Variants in OPTN observed in about 807,000 individuals in gnomAD.
OPTN encodes E3-14.7K-interacting protein.
OPTN carries 54 observed loss-of-function variants against 70.4 expected under a neutral mutation model. The observed-to-expected ratio is 0.77, with a 90% CI of 0.62 to 0.96. OPTN has a LOEUF of 0.96. Among genes scored for constraint, OPTN ranks in the 40% least tolerant of loss-of-function variants. OPTN has a pLI of 0.00. For synonymous variants in OPTN, 256 were observed against 248.5 expected (o/e 1.03, Z -0.28); for missense variants, 624 against 673.2 (o/e 0.93, Z 0.81).
chr10:13,106,968 G>A (rs1805698684), intron 1 of OPTN, among the ~76,000 whole-genome samples: 1 of 152,096 alleles, frequency 6.6e-6, no homozygotes, highest in African/African-American at 2.4e-5. Context: ...TGGGATGCTC[G>A]CTTCCAAGTT....
At chr10:13,120,383 A>G (rs67978856) in intron 7 of OPTN, among the ~76,000 whole-genome samples, 36,123 of 151,794 alleles carry the variant, frequency 0.24, 4,781 homozygotes, top group Middle Eastern at 0.44. Context: ...AATACAGTTT[A>G]TCTCCTTTTT....
Position 13,136,649 on chromosome 10 carries a change from T to C in OPTN, c.1613-96T>C, listed in dbSNP as rs899428652. The C allele has an allele frequency of 1.2e-5, 17 of 1,475,518 alleles. 1 individual carries two copies. Among genetic ancestry groups the C allele is most frequent in the Non-Finnish European group, 1.6e-5 (17 of 1,068,668 alleles). 91.4% of individuals were successfully genotyped at this position (1,475,518 alleles called of 1,614,324 possible). A position where few individuals can be genotyped will look rare whatever the true frequency, so the allele number is the denominator to read the frequency against. ...GTCCCACTACGTGTTGAATACGAAGTTGAACTGATGTTAAAACTCGCCATC... is the reference window on the plus strand; with the variant it reads ...GTCCCACTACGTGTTGAATACGAAGCTGAACTGATGTTAAAACTCGCCATC... On this transcript the variant is annotated intron_variant, in intron 14 of 14. Coordinates refer to ENST00000378747, the MANE Select transcript of OPTN (RefSeq NM_001008212.2).
chr10:13,115,253 T>TATATAAATATAGA (rs1833148633), intron 5 of OPTN, among the ~76,000 whole-genome samples: 1 of 10,622 alleles, frequency 9.4e-5, no homozygotes, highest in African/African-American at 2.4e-4. Flanking sequence ...ATATCTATAT[T>TATATAAATATAGA]TATATCTATA....
rs929055907 is a variant in OPTN at position 13,109,606 on chromosome 10, G to A, written c.166+318G>A. 8 of 329,826 alleles carry A rather than the reference G, an allele frequency of 2.4e-5. No homozygotes were observed. In the Admixed American group the frequency reaches 3.6e-4, roughly 15 times the overall value. 20.4% of individuals were successfully genotyped at this position (329,826 alleles called of 1,614,324 possible). On this transcript the variant is annotated intron_variant, in intron 3 of 14. Transcript: ENST00000378747. ...TTTGGGAGGCCGAGGCAGAAGGATT[G>A]CTTGAGTACAGGAGTTCAAGACCAG... is the stretch of plus-strand genomic sequence containing the variant.
chr10:13,115,682 T>A (rs1263137539), intron 5 of OPTN, among the ~76,000 whole-genome samples: 2 of 146,938 alleles, frequency 1.4e-5, no homozygotes, highest in Admixed American at 1.4e-4. Context: ...ACTATCTTTG[T>A]GCATTTTTGA....
intron 1 of OPTN, among the ~76,000 whole-genome samples, chr10:13,103,742 GCACACA>G (rs771828062): frequency 4.6e-5 from 3 of 64,898 alleles, no homozygotes; most frequent in East Asian, 3.9e-4. Context: ...ACACACACAT[GCACACA>G]CACACACACA....
chr10:13,130,135 TGTCAGAGACG>T (rs1833561542), intron 12 of OPTN, among the ~76,000 whole-genome samples: 1 of 152,126 alleles, frequency 6.6e-6, no homozygotes, highest in Non-Finnish European at 1.5e-5. Flanking sequence ...ACTTATAATA[TGTCAGAGACG>T]GCCGGGCATG....
rs765679498 is a variant in OPTN at position 13,110,359 on chromosome 10, G to GT, written c.258dup (p.Glu87Ter). Reference sequence around the variant, plus strand: ...CAGAGAAACAGAAGGAAGAACGCCAGTTTTTTGAGATACAGAGCAAAGAAG... The same window carrying GT: ...CAGAGAAACAGAAGGAAGAACGCCAGTTTTTTTGAGATACAGAGCAAAGAAG... On this transcript the variant is annotated frameshift_variant, in exon 4 of 15. Coordinates refer to ENST00000378747, the MANE Select transcript of OPTN (RefSeq NM_001008212.2). LOFTEE classifies it high-confidence loss of function. The GT allele has an allele frequency of 1.2e-6, 2 of 1,614,150 alleles. No homozygotes were observed. The highest frequency in any genetic ancestry group is 1.7e-6 in the Non-Finnish European group (2 of 1,180,026).
intron 12 of OPTN, chr10:13,131,433 T>A (rs748369580): frequency 6.5e-6 from 1 of 153,392 alleles, no homozygotes; most frequent in Non-Finnish European, 1.5e-5. Context: ...GGACATGGAT[T>A]GAATATGGAA....
chr10:13,117,869 A>T (rs1055895194), intron 6 of OPTN, among the ~76,000 whole-genome samples: 2 of 152,230 alleles, frequency 1.3e-5, no homozygotes, highest in African/African-American at 2.4e-5. Flanking sequence ...GGAAGAAAGT[A>T]AGTATTAGAT....
chr10:13,118,775 G>C, intron 6 of OPTN, 113 bp from the exon 7 acceptor site: 2 of 919,044 alleles, frequency 2.2e-6, no homozygotes, highest in South Asian at 2.8e-5. Flanking sequence ...GAATTAGTTG[G>C]AGAATGTTCT....
At chr10:13,112,129 G>A (rs1266237601) in intron 4 of OPTN, among the ~76,000 whole-genome samples, 8 of 149,440 alleles carry the variant, frequency 5.4e-5, no homozygotes, top group African/African-American at 1.5e-4. Flanking sequence ...GATTACAGGC[G>A]TGAGCCACCA....
chr10:13,137,463 A>C lies in OPTN; in HGVS notation c.*597A>C, dbSNP rs1470949026. On this transcript the variant is annotated 3_prime_UTR_variant, in exon 15 of 15. Transcript: ENST00000378747. Reference sequence around the variant, plus strand: ...GTTGATGCGAGCAGCTGCACTGCTCATGCAGTTAGCTAGCATGTGACATCA... The same window carrying C: ...GTTGATGCGAGCAGCTGCACTGCTCCTGCAGTTAGCTAGCATGTGACATCA... The C allele has an allele frequency of 4.4e-6, 1 of 228,866 alleles. No individual in the cohort carries two copies. The highest frequency in any genetic ancestry group is 8.7e-6 in the Non-Finnish European group (1 of 115,274). The allele number at this position is 228,866 out of a possible 1,614,324, so 14.2% of individuals were successfully genotyped here.
intron 7 of OPTN, among the ~76,000 whole-genome samples, chr10:13,119,593 C>G (rs765905911): frequency 2.2e-4 from 34 of 152,164 alleles, no homozygotes; most frequent in African/African-American, 7.7e-4. Flanking sequence ...CTGGGTCATA[C>G]GGTATCGCTA....
At chr10:13,122,926 C>T (rs1465756738) in intron 8 of OPTN, 6 of 219,818 alleles carry the variant, frequency 2.7e-5, no homozygotes, top group African/African-American at 9.1e-5. Flanking sequence ...CCTCCCACCT[C>T]GGCCTCCCAG....
chr10:13,133,008 T>G (rs1024498941), intron 13 of OPTN, among the ~76,000 whole-genome samples: 1 of 152,178 alleles, frequency 6.6e-6, no homozygotes, highest in African/African-American at 2.4e-5. Context: ...CTTTACCTTG[T>G]GCTGTTAGGA....
chr10:13,129,555 G>C (rs558888661), intron 12 of OPTN, among the ~76,000 whole-genome samples: 3 of 141,490 alleles, frequency 2.1e-5, no homozygotes, highest in Non-Finnish European at 3.1e-5. Flanking sequence ...GTTTCACCAC[G>C]TTAGCCATGG....
At chr10:13,101,501 A>G (rs1441008717) in intron 1 of OPTN, among the ~76,000 whole-genome samples, 1 of 147,892 alleles carries the variant, frequency 6.8e-6, no homozygotes, top group East Asian at 2.0e-4. Context: ...GTAGAGGCGC[A>G]TAAGTATTCT....
rs1833726481 is a variant in OPTN at position 13,137,652 on chromosome 10, A to C, written c.*786A>C. 4.3e-6 allele frequency: 1 copy of C among 231,504 alleles called. No individual in the cohort carries two copies. Among genetic ancestry groups the C allele is most frequent in the South Asian group, 1.8e-4 (1 of 5,512 alleles). The allele number at this position is 231,504 out of a possible 1,614,324, so 14.3% of individuals were successfully genotyped here. Reference sequence around the variant, plus strand: ...TCTTCATTTAAAATGGATCTGTTGGAGGTTATGTGTGTATGTTGTAGTTTT... The same window carrying C: ...TCTTCATTTAAAATGGATCTGTTGGCGGTTATGTGTGTATGTTGTAGTTTT... On this transcript the variant is annotated 3_prime_UTR_variant, in exon 15 of 15. Transcript: ENST00000378747.
Sources: allele counts gnomAD v4.1 joint callset (sites outside exome capture counted in the v4.1 genomes callset), GRCh38; gene constraint gnomAD v4.1.1; transcripts MANE v1.5; gene names NCBI Gene and HGNC (gene_info 2026-07-23, HGNC 2026-07-21).